PTPRD: variants seen among roughly 807,000 people sequenced by gnomAD.
PTPRD encodes the protein protein tyrosine phosphatase receptor type D, also known as receptor-type tyrosine-protein phosphatase delta.
In PTPRD, 34 loss-of-function variants were observed where a neutral mutation model predicts 214.5. The ratio of observed to expected loss-of-function variants is 0.16; its 90% CI spans 0.12 to 0.21. The LOEUF (loss-of-function observed/expected upper bound fraction) is 0.21. PTPRD is among the 10% of genes least tolerant of loss of function. The pLI is 1.00. For synonymous variants in PTPRD, 1,128 were observed against 845.7 expected (o/e 1.33, Z -5.79); for missense variants, 2,545 against 2,398.7 (o/e 1.06, Z -1.27).
chr9:8,774,527 C>CTTTTTTTTTTTTTTT (rs564318443), intron 11 of PTPRD, among the ~76,000 whole-genome samples: 3 of 105,226 alleles, frequency 2.9e-5, no homozygotes, highest in Non-Finnish European at 5.5e-5. Flanking sequence ...TGAAAAGTAA[C>CTTTTTTTTTTTTTTT]TTTTTTTTTT....
At chr9:10,549,784 T>C (rs1240743872) in intron 2 of PTPRD, among the ~76,000 whole-genome samples, 1 of 152,174 alleles carries the variant, frequency 6.6e-6, no homozygotes, top group African/African-American at 2.4e-5. Context: ...TATTCCACTG[T>C]ACTTCCAGAG....
At chr9:9,107,762 T>C (rs1427289953) in intron 10 of PTPRD, among the ~76,000 whole-genome samples, 1 of 152,186 alleles carries the variant, frequency 6.6e-6, no homozygotes, top group Non-Finnish European at 1.5e-5. Flanking sequence ...TGATAGCACA[T>C]TCTTTATGAT....
intron 9 of PTPRD, among the ~76,000 whole-genome samples, chr9:9,283,700 A>T (rs959346385): frequency 6.6e-6 from 1 of 151,558 alleles, no homozygotes; most frequent in African/African-American, 2.4e-5. Flanking sequence ...GCTGGAAAAA[A>T]AATAAAAAAT....
chr9:9,961,705 T>G (rs1398311271), intron 4 of PTPRD, among the ~76,000 whole-genome samples: 2 of 152,172 alleles, frequency 1.3e-5, no homozygotes, highest in African/African-American at 4.8e-5. Flanking sequence ...CTTCACTTAC[T>G]CTGACAATCA....
At chr9:8,448,792 A>G (rs554678404) in intron 34 of PTPRD, among the ~76,000 whole-genome samples, 1 of 152,358 alleles carries the variant, frequency 6.6e-6, no homozygotes, top group Admixed American at 6.5e-5. Flanking sequence ...GTACTGTAAT[A>G]TATCTGCAGT....
At chr9:10,010,370 C>T (rs1381430579) in intron 4 of PTPRD, among the ~76,000 whole-genome samples, 3 of 151,584 alleles carry the variant, frequency 2.0e-5, no homozygotes, top group East Asian at 3.9e-4. Context: ...TGCCTGTTTG[C>T]CTCTCAGATT....
intron 11 of PTPRD, among the ~76,000 whole-genome samples, chr9:8,935,350 A>G (rs538673450): frequency 6.6e-6 from 1 of 152,370 alleles, no homozygotes; most frequent in African/African-American, 2.4e-5. Context: ...TATTTACAAT[A>G]GCATCTCAAG....
intron 23 of PTPRD, among the ~76,000 whole-genome samples, chr9:8,502,373 T>A (rs2097428666): frequency 1.3e-5 from 2 of 152,074 alleles, no homozygotes. Flanking sequence ...TTCCCTAGAC[T>A]TTGTGACTCT....
chr9:9,028,123 T>C (rs978223141), intron 10 of PTPRD, among the ~76,000 whole-genome samples: 1 of 151,918 alleles, frequency 6.6e-6, no homozygotes, highest in African/African-American at 2.4e-5. Flanking sequence ...GCACAAAACC[T>C]CCCTATCACA....
chr9:8,640,401 G>A (rs571800962), intron 12 of PTPRD, among the ~76,000 whole-genome samples: 1 of 152,120 alleles, frequency 6.6e-6, no homozygotes, highest in African/African-American at 2.4e-5. Flanking sequence ...GGATGCTACT[G>A]TAGGATTTTA....
At chr9:10,012,587 A>G (rs2096623987) in intron 4 of PTPRD, among the ~76,000 whole-genome samples, 1 of 151,988 alleles carries the variant, frequency 6.6e-6, no homozygotes, top group Non-Finnish European at 1.5e-5. Flanking sequence ...CTAGTAGACA[A>G]GAATGCTATA....
chr9:9,043,080 C>A (rs997223978), intron 10 of PTPRD, among the ~76,000 whole-genome samples: 1 of 152,152 alleles, frequency 6.6e-6, no homozygotes, highest in African/African-American at 2.4e-5. Context: ...ACCATGAACT[C>A]CCAATAAATT....
chr9:9,634,876 C>T (rs1288780134), intron 7 of PTPRD, among the ~76,000 whole-genome samples: 1 of 152,086 alleles, frequency 6.6e-6, no homozygotes, highest in African/African-American at 2.4e-5. Flanking sequence ...AGTACTTGTG[C>T]TATTTTGAAT....
rs527428505 is a variant in PTPRD, at chr9:9,571,557, T to C, written c.-237+3175A>G. Among the ~76,000 whole-genome samples, 41 of 151,396 alleles carry C rather than the reference T, an allele frequency of 2.7e-4. 1 individual carries two copies. In the South Asian group the frequency reaches 6.6e-3, roughly 24 times the overall value. ...TTAATGATGCTGTAGAACATTCATA[T>C]TGCATACTTTTGGTTCCCTTAATAA... On this transcript the variant is annotated intron_variant, in intron 8 of 45. Coordinates refer to ENST00000381196, the MANE Select transcript of PTPRD (RefSeq NM_002839.4).
At chr9:9,699,138 C>T (rs537235328) in intron 7 of PTPRD, among the ~76,000 whole-genome samples, 9 of 152,000 alleles carry the variant, frequency 5.9e-5, no homozygotes, top group African/African-American at 2.2e-4. Flanking sequence ...TGATAATTGG[C>T]TATTTTCGTT....
chr9:8,597,307 T>C (rs1388844074), intron 14 of PTPRD, among the ~76,000 whole-genome samples: 1 of 152,076 alleles, frequency 6.6e-6, no homozygotes, highest in Admixed American at 6.6e-5. Context: ...AAGATTGAAA[T>C]ATATAAATTT....
chr9:9,345,792 G>T (rs143730641), intron 9 of PTPRD, among the ~76,000 whole-genome samples: 210 of 152,222 alleles, frequency 1.4e-3, no homozygotes, highest in African/African-American at 4.9e-3. Context: ...ATCAACTTCA[G>T]AAGGTTATTA....
chr9:10,477,049 T>C (rs2099067468), intron 2 of PTPRD, among the ~76,000 whole-genome samples: 1 of 152,000 alleles, frequency 6.6e-6, no homozygotes, highest in African/African-American at 2.4e-5. Flanking sequence ...ACCTAGGCAA[T>C]ACCATTCAGG....
intron 7 of PTPRD, among the ~76,000 whole-genome samples, chr9:9,649,686 G>A (rs942772413): frequency 3.3e-5 from 5 of 152,166 alleles, no homozygotes; most frequent in Admixed American, 1.3e-4. Context: ...ACTCATTAAT[G>A]TGGTTCCACC....
Sources: gnomAD v4.1 joint callset for allele counts (sites outside exome capture counted in the v4.1 genomes callset) on GRCh38, gnomAD v4.1.1 for gene constraint, MANE v1.5 for transcripts, NCBI Gene and HGNC (gene_info 2026-07-23, HGNC 2026-07-21) for gene names.